C1QTNF3: variants seen among roughly 807,000 people sequenced by gnomAD.
The protein encoded by C1QTNF3 is C1q and TNF related 3, also known as complement C1q tumor necrosis factor-related protein 3.
Under a neutral mutation model 32.6 loss-of-function variants are expected in C1QTNF3, and 26 were observed. The ratio of observed to expected loss-of-function variants is 0.80; its 90% CI spans 0.58 to 1.11. The LOEUF (loss-of-function observed/expected upper bound fraction) is 1.11, where lower values mean the gene tolerates loss of function less well. Ranked by LOEUF, C1QTNF3 falls within the 50% of genes least tolerant of loss-of-function variation. C1QTNF3 has a pLI of 0.00. For synonymous variants in C1QTNF3, 155 were observed against 146.0 expected, an observed-to-expected ratio of 1.06 and a Z score of -0.44; for missense variants, 362 against 398.2, an observed-to-expected ratio of 0.91 and a Z score of 0.77.
At chr5:34,024,965 G>A (rs73761633) in intron 4 of C1QTNF3, among the ~76,000 whole-genome samples, 10,844 of 152,236 alleles carry the variant, frequency 0.071, 640 homozygotes, top group African/African-American at 0.16. Flanking sequence ...TTTAATAGAA[G>A]ATAGTTCTAT....
At chr5:34,115,683 A>T in the C1QTNF3 span, among the ~76,000 whole-genome samples, 1 of 150,082 alleles carries the variant, frequency 6.7e-6, no homozygotes, top group Non-Finnish European at 1.5e-5. Context: ...GTGAGCTGAG[A>T]TGGCGCCACT....
chr5:34,173,312 T>A, the C1QTNF3 span, among the ~76,000 whole-genome samples: 1 of 151,740 alleles, frequency 6.6e-6, no homozygotes, highest in Non-Finnish European at 1.5e-5. Context: ...AATATTATAA[T>A]TATGCCAATT....
At chr5:34,181,704 C>T in the C1QTNF3 span, among the ~76,000 whole-genome samples, 1 of 152,356 alleles carries the variant, frequency 6.6e-6, no homozygotes, top group Admixed American at 6.5e-5. Flanking sequence ...TGCAGTCAGC[C>T]GCACCTATGA....
the C1QTNF3 span, among the ~76,000 whole-genome samples, chr5:34,227,575 T>C: frequency 6.6e-6 from 1 of 151,744 alleles, no homozygotes; most frequent in African/African-American, 2.4e-5. Flanking sequence ...TTCTAATATA[T>C]TTATAGGAAA....
chr5:34,020,756 G>T lies in C1QTNF3; in HGVS notation c.801-14C>A. 1.9e-6 allele frequency: 3 copies of T among 1,608,634 alleles called. No individual in the cohort carries two copies. The highest frequency in any genetic ancestry group is 2.6e-6 in the Non-Finnish European group (3 of 1,176,014). Reference sequence around the variant, plus strand: ...TTCATTTCATAGCTGGAAAGAAAAAGAGGAACAAACTACTTAGTTTTTGCC... The same window carrying T: ...TTCATTTCATAGCTGGAAAGAAAAATAGGAACAAACTACTTAGTTTTTGCC... On this transcript the variant is annotated splice_polypyrimidine_tract_variant and intron_variant, in intron 5 of 5. Coordinates refer to ENST00000382065, the MANE Select transcript of C1QTNF3 (RefSeq NM_181435.6).
At chr5:34,121,974 GC>G in the C1QTNF3 span, among the ~76,000 whole-genome samples, 1 of 152,154 alleles carries the variant, frequency 6.6e-6, no homozygotes, top group African/African-American at 2.4e-5. Context: ...ATCTGCTGGT[GC>G]CTTGATCTTA....
At chr5:34,243,227 CAAAT>C in the C1QTNF3 span, among the ~76,000 whole-genome samples, 1 of 152,186 alleles carries the variant, frequency 6.6e-6, no homozygotes, top group Non-Finnish European at 1.5e-5. Flanking sequence ...CACTAATCAG[CAAAT>C]AAATAAATGC....
intron 2 of C1QTNF3, 92 bp downstream of exon 2, chr5:34,035,555 C>T (rs918974292): frequency 1.1e-6 from 1 of 945,378 alleles, no homozygotes; most frequent in African/African-American, 1.6e-5. Flanking sequence ...TTGGATCACA[C>T]AGAAGTGATC....
the C1QTNF3 span, chr5:34,124,379 C>T: frequency 2.8e-6 from 2 of 710,368 alleles, no homozygotes; most frequent in South Asian, 1.5e-5. Context: ...ATTTAATTGG[C>T]TCACGGTTCT....
At chr5:34,090,808 G>A in the C1QTNF3 span, among the ~76,000 whole-genome samples, 3 of 151,940 alleles carry the variant, frequency 2.0e-5, no homozygotes, top group African/African-American at 4.8e-5. Flanking sequence ...AGCAGGTTGT[G>A]GACCCTCAAT....
At chr5:34,166,111 TAAATA>T in the C1QTNF3 span, 1 of 151,464 alleles carries the variant, frequency 6.6e-6, no homozygotes, top group Admixed American at 6.6e-5. Flanking sequence ...ACAGGACAAT[TAAATA>T]ATATAATATT....
chr5:34,050,319 GTCC>G, the C1QTNF3 span, among the ~76,000 whole-genome samples: 1 of 152,084 alleles, frequency 6.6e-6, no homozygotes, highest in East Asian at 1.9e-4. Context: ...TGCCTTAAAA[GTCC>G]TCCTATTTTA....
At chr5:34,229,130 A>T in the C1QTNF3 span, among the ~76,000 whole-genome samples, 1 of 152,178 alleles carries the variant, frequency 6.6e-6, no homozygotes, top group Non-Finnish European at 1.5e-5. Flanking sequence ...GCAGAACAGC[A>T]CTTACGGATC....
chr5:34,207,210 G>A, the C1QTNF3 span, among the ~76,000 whole-genome samples: 9 of 151,890 alleles, frequency 5.9e-5, no homozygotes, highest in Admixed American at 2.0e-4. Context: ...CAACTTTCCT[G>A]GGGTATAATA....
At chr5:34,167,471 C>T in the C1QTNF3 span, 1 of 152,278 alleles carries the variant, frequency 6.6e-6, no homozygotes, top group African/African-American at 2.4e-5. Context: ...AATGATAAGC[C>T]CTGCATGTAG....
the C1QTNF3 span, among the ~76,000 whole-genome samples, chr5:34,214,199 C>T: frequency 3.8e-4 from 57 of 151,728 alleles, 1 homozygote; most frequent in South Asian, 0.012. Context: ...AGTAAAGCAA[C>T]GGAAAAAGCA....
chr5:34,141,365 G>T, the C1QTNF3 span, among the ~76,000 whole-genome samples: 3 of 152,260 alleles, frequency 2.0e-5, no homozygotes, highest in South Asian at 6.2e-4. Context: ...TGATCTGTCT[G>T]CCTCAGCCTC....
the C1QTNF3 span, among the ~76,000 whole-genome samples, chr5:34,161,478 CTAAAT>C: frequency 6.6e-6 from 1 of 151,980 alleles, no homozygotes. Context: ...ACATTTTTCT[CTAAAT>C]TAAGAGTCTC....
At chr5:34,144,127 T>C in the C1QTNF3 span, among the ~76,000 whole-genome samples, 1 of 152,130 alleles carries the variant, frequency 6.6e-6, no homozygotes, top group African/African-American at 2.4e-5. Flanking sequence ...ATCACTATTC[T>C]TGTATCAGAT....
Sources: allele counts gnomAD v4.1 joint callset (sites outside exome capture counted in the v4.1 genomes callset), GRCh38; gene constraint gnomAD v4.1.1; transcripts MANE v1.5; gene names NCBI Gene and HGNC (gene_info 2026-07-23, HGNC 2026-07-21).